The following COPG2 variants were observed in gnomAD, a reference collection of about 807,000 sequenced individuals.
The protein encoded by COPG2 is coatomer subunit gamma-2.
In COPG2, 37 loss-of-function variants were observed where a neutral mutation model predicts 46.3. The ratio of observed to expected loss-of-function variants is 0.80; its 90% CI spans 0.61 to 1.05. COPG2 has a LOEUF of 1.05. COPG2 is among the 50% of genes least tolerant of loss of function. COPG2 has a pLI of 0.00. For synonymous variants in COPG2, 159 were observed against 129.7 expected, an observed-to-expected ratio of 1.23 and a Z score of -1.53; for missense variants, 427 against 387.8, an observed-to-expected ratio of 1.10 and a Z score of -0.85.
chr7:130,590,439 G>A (rs1283932753), intron 9 of COPG2, among the ~76,000 whole-genome samples: 1 of 152,190 alleles, frequency 6.6e-6, no homozygotes, highest in Non-Finnish European at 1.5e-5. Context: ...TATTTTTTTG[G>A]TGGAGACGGG....
chr7:130,620,533 A>T (rs1331444298), intron 5 of COPG2, among the ~76,000 whole-genome samples: 2 of 151,998 alleles, frequency 1.3e-5, no homozygotes, highest in East Asian at 1.9e-4. Flanking sequence ...GGTGCTAGTG[A>T]CTCTTTTCTT....
intron 6 of COPG2, among the ~76,000 whole-genome samples, chr7:130,615,620 T>C (rs1277310436): frequency 1.3e-5 from 2 of 152,260 alleles, no homozygotes; most frequent in Non-Finnish European, 2.9e-5. Context: ...AGCTAAGTTT[T>C]ATCTATCATC....
At chr7:130,562,952 G>A (rs1269367522) in intron 11 of COPG2, among the ~76,000 whole-genome samples, 3 of 152,192 alleles carry the variant, frequency 2.0e-5, no homozygotes, top group Admixed American at 6.5e-5. Context: ...TACAAGAAGT[G>A]TGACTCATGT....
At chr7:130,514,640 G>C (rs1466400693) in intron 20 of COPG2, among the ~76,000 whole-genome samples, 1 of 152,136 alleles carries the variant, frequency 6.6e-6, no homozygotes, top group Non-Finnish European at 1.5e-5. Context: ...GGCAAGATAG[G>C]TAACAAGGAG....
chr7:130,563,034 T>C (rs915864445), intron 11 of COPG2, among the ~76,000 whole-genome samples: 4 of 152,192 alleles, frequency 2.6e-5, no homozygotes, highest in African/African-American at 9.7e-5. Flanking sequence ...GGCCACCATA[T>C]TGGACAGTGT....
At chr7:130,636,890 T>C (rs11974476) in intron 5 of COPG2, among the ~76,000 whole-genome samples, 23,640 of 152,160 alleles carry the variant, frequency 0.16, 3,522 homozygotes, top group African/African-American at 0.39. Flanking sequence ...TTAGTGCTCC[T>C]TTCAGGAGCT....
rs555742224 is a variant in COPG2 at position 130,596,036 on chromosome 7, T to C, written c.737+14917A>G. ...CGCAGTTCGCCCTGACAGTGACAAA[T>C]GGAGGTGGGAAGGCTTTGACCTACA... On this transcript the variant is annotated intron_variant, in intron 9 of 23. Coordinates refer to ENST00000425248, the MANE Select transcript of COPG2 (RefSeq NM_012133.6). Among the ~76,000 whole-genome samples, 3 of 152,258 alleles carry C rather than the reference T, an allele frequency of 2.0e-5. No individual in the cohort carries two copies. In the East Asian group the frequency reaches 5.8e-4, roughly 29 times the overall value.
chr7:130,531,141 T>G, intron 20 of COPG2, among the ~76,000 whole-genome samples: 1 of 55,164 alleles, frequency 1.8e-5, no homozygotes, highest in Non-Finnish European at 3.4e-5. Context: ...AGGGCAGGGT[T>G]GGGAATGGTG....
intron 9 of COPG2, among the ~76,000 whole-genome samples, chr7:130,586,550 C>T (rs1256359586): frequency 2.0e-5 from 3 of 152,034 alleles, no homozygotes; most frequent in Non-Finnish European, 2.9e-5. Context: ...GCAAGCTCTG[C>T]CTTCCGGGTT....
chr7:130,519,770 T>C (rs1319050762), intron 20 of COPG2, among the ~76,000 whole-genome samples: 9 of 152,184 alleles, frequency 5.9e-5, no homozygotes, highest in Non-Finnish European at 1.3e-4. Context: ...TTGTATGAAT[T>C]AGAAAGCAGT....
chr7:130,611,223 A>T, intron 8 of COPG2, 113 bp from the exon 9 acceptor site: 1 of 920,370 alleles, frequency 1.1e-6, no homozygotes, highest in Non-Finnish European at 1.6e-6. Flanking sequence ...TACCCAGGTC[A>T]CATGTACACA....
intron 5 of COPG2, among the ~76,000 whole-genome samples, chr7:130,617,541 C>T (rs962759427): frequency 6.6e-6 from 1 of 152,190 alleles, no homozygotes; most frequent in Non-Finnish European, 1.5e-5. Flanking sequence ...CTAAAATTAT[C>T]AATGGCTTCA....
intron 5 of COPG2, among the ~76,000 whole-genome samples, chr7:130,642,335 G>A (rs143821202): frequency 1.3e-5 from 2 of 151,460 alleles, no homozygotes; most frequent in East Asian, 3.9e-4. Flanking sequence ...GATCATCTAT[G>A]TAACCTCCAT....
At chr7:130,539,994 T>C (rs982200281) in intron 20 of COPG2, among the ~76,000 whole-genome samples, 3 of 151,802 alleles carry the variant, frequency 2.0e-5, no homozygotes, top group East Asian at 1.9e-4. Flanking sequence ...AGTGTGAATC[T>C]TGGGCCAGGG....
At chr7:130,530,960 A>G (rs1344620266) in intron 20 of COPG2, among the ~76,000 whole-genome samples, 1 of 151,250 alleles carries the variant, frequency 6.6e-6, no homozygotes, top group Non-Finnish European at 1.5e-5. Context: ...GGACAGCAAT[A>G]GACAGGAAGG....
chr7:130,570,384 C>T (rs1554445358), intron 9 of COPG2, among the ~76,000 whole-genome samples: 2 of 152,260 alleles, frequency 1.3e-5, no homozygotes. Context: ...GTACACAAAT[C>T]AGTAGCACTG....
chr7:130,631,172 CTT>C (rs55966949), intron 5 of COPG2, among the ~76,000 whole-genome samples: 86 of 102,286 alleles, frequency 8.4e-4, no homozygotes, highest in Non-Finnish European at 1.4e-3. Context: ...TTTTTCTTTT[CTT>C]TTTTTTTTTT....
chr7:130,591,489 C>A (rs1554448932), intron 9 of COPG2, among the ~76,000 whole-genome samples: 4 of 93,524 alleles, frequency 4.3e-5, no homozygotes, highest in Non-Finnish European at 6.6e-5. Flanking sequence ...GTCAGCCCCC[C>A]CGCCCGGCCA....
chr7:130,566,208 T>C (rs1196704653), intron 9 of COPG2, among the ~76,000 whole-genome samples: 2 of 152,212 alleles, frequency 1.3e-5, no homozygotes, highest in East Asian at 1.9e-4. Flanking sequence ...TTGTATCTCA[T>C]TGTGGTTTCG....
Sources: gnomAD v4.1 joint callset for allele counts (sites outside exome capture counted in the v4.1 genomes callset) on GRCh38, gnomAD v4.1.1 for gene constraint, MANE v1.5 for transcripts, NCBI Gene and HGNC (gene_info 2026-07-23, HGNC 2026-07-21) for gene names.